The following ROBO1 variants were observed in gnomAD, a reference collection of about 807,000 sequenced individuals.
ROBO1 encodes the protein roundabout guidance receptor 1.
In ROBO1, 149 loss-of-function variants were observed where a neutral mutation model predicts 195.9. The observed-to-expected ratio is 0.76, with a 90% confidence interval of 0.67 to 0.87. ROBO1 has a LOEUF of 0.87. ROBO1 is among the 40% of genes least tolerant of loss of function. The pLI, the probability that ROBO1 is intolerant of heterozygous loss-of-function variation, is 0.00. For synonymous variants in ROBO1, 816 were observed against 733.2 expected, an observed-to-expected ratio of 1.11 and a Z score of -1.82; for missense variants, 1,933 against 2,068.3, an observed-to-expected ratio of 0.93 and a Z score of 1.27.
rs141309892 is a variant in ROBO1, at chr3:78,705,135, T to C, written c.1045+9262A>G. Among the ~76,000 whole-genome samples, 194 of 152,306 alleles carry C rather than the reference T, an allele frequency of 1.3e-3. 1 individual carries two copies. Among genetic ancestry groups the C allele is most frequent in the African/African-American group, 4.3e-3 (178 of 41,558 alleles). On this transcript the variant is annotated intron_variant, in intron 8 of 30. Transcript: ENST00000464233. ...CATTCTATCAGGAAATTTAGCAGCATTGAACATAGCAGGGAGGGATAGTAA... is the reference window on the plus strand; with the variant it reads ...CATTCTATCAGGAAATTTAGCAGCACTGAACATAGCAGGGAGGGATAGTAA...
At chr3:78,855,710 T>G (rs1400288427) in intron 4 of ROBO1, among the ~76,000 whole-genome samples, 3 of 152,144 alleles carry the variant, frequency 2.0e-5, no homozygotes, top group African/African-American at 7.2e-5. Context: ...AGCTTAACTT[T>G]AAGACTAGGT....
chr3:79,394,700 A>G (rs977397087), intron 2 of ROBO1, among the ~76,000 whole-genome samples: 4 of 152,100 alleles, frequency 2.6e-5, no homozygotes, highest in African/African-American at 9.7e-5. Flanking sequence ...TAATAGAGTG[A>G]ATGAAACTAT....
chr3:79,388,658 T>C (rs1348651719), intron 2 of ROBO1, among the ~76,000 whole-genome samples: 2 of 152,114 alleles, frequency 1.3e-5, no homozygotes, highest in Non-Finnish European at 2.9e-5. Flanking sequence ...ATGATATACA[T>C]ATGCACAGGT....
intron 4 of ROBO1, among the ~76,000 whole-genome samples, chr3:78,765,839 T>C (rs544843160): frequency 6.6e-6 from 1 of 152,310 alleles, no homozygotes; most frequent in Admixed American, 6.5e-5. Context: ...CCGAGTAAAT[T>C]TACATCCCTT....
At chr3:79,042,760 T>C (rs1047084230) in intron 3 of ROBO1, among the ~76,000 whole-genome samples, 45 of 152,152 alleles carry the variant, frequency 3.0e-4, no homozygotes, top group African/African-American at 1.0e-3. Flanking sequence ...ATTTAGACGA[T>C]AGATGATTCC....
intron 2 of ROBO1, among the ~76,000 whole-genome samples, chr3:79,236,634 C>T (rs1476775793): frequency 6.6e-6 from 1 of 151,872 alleles, no homozygotes; most frequent in Non-Finnish European, 1.5e-5. Flanking sequence ...GAAGATGTAA[C>T]CTCTGAAAAA....
chr3:79,055,247 T>G (rs1418584392), intron 3 of ROBO1, among the ~76,000 whole-genome samples: 1 of 152,148 alleles, frequency 6.6e-6, no homozygotes, highest in Non-Finnish European at 1.5e-5. Flanking sequence ...AGTCAATTGC[T>G]CAACTGCTTT....
At chr3:79,205,303 T>A (rs928932271) in intron 2 of ROBO1, among the ~76,000 whole-genome samples, 7 of 152,092 alleles carry the variant, frequency 4.6e-5, no homozygotes, top group African/African-American at 1.7e-4. Flanking sequence ...CTCTAGAGGA[T>A]AAATGATTGG....
At chr3:79,375,366 C>T (rs529437424) in intron 2 of ROBO1, among the ~76,000 whole-genome samples, 41 of 152,134 alleles carry the variant, frequency 2.7e-4, no homozygotes, top group East Asian at 1.4e-3. Flanking sequence ...CCCAAGGGGA[C>T]GGATGGAAAT....
At chr3:79,365,766 G>A (rs187621545) in intron 2 of ROBO1, among the ~76,000 whole-genome samples, 104 of 151,946 alleles carry the variant, frequency 6.8e-4, no homozygotes, top group African/African-American at 2.3e-3. Context: ...GCGTGGTGGC[G>A]GGTGCCTGTA....
chr3:79,442,351 A>T (rs1195071956), intron 2 of ROBO1, among the ~76,000 whole-genome samples: 8 of 152,110 alleles, frequency 5.3e-5, no homozygotes, highest in African/African-American at 1.9e-4. Flanking sequence ...TATATTTCAG[A>T]ATTTCTTTTT....
chr3:78,838,262 A>G (rs2032908791), intron 4 of ROBO1, among the ~76,000 whole-genome samples: 1 of 152,210 alleles, frequency 6.6e-6, no homozygotes, highest in South Asian at 2.1e-4. Flanking sequence ...GTCCATCATA[A>G]TTAAAGGCCA....
intron 1 of ROBO1, among the ~76,000 whole-genome samples, chr3:79,665,190 G>T (rs1946440788): frequency 6.6e-6 from 1 of 151,770 alleles, no homozygotes. Flanking sequence ...ACATATTTTT[G>T]AAATGCTATA....
intron 4 of ROBO1, among the ~76,000 whole-genome samples, chr3:78,807,736 G>C (rs2084590498): frequency 6.6e-6 from 1 of 152,116 alleles, no homozygotes; most frequent in Non-Finnish European, 1.5e-5. Flanking sequence ...TTAAACATTT[G>C]TATGCATACA....
At chr3:79,725,223 CTT>C (rs35418345) in intron 1 of ROBO1, among the ~76,000 whole-genome samples, 46 of 106,512 alleles carry the variant, frequency 4.3e-4, no homozygotes, top group African/African-American at 1.4e-3. Flanking sequence ...CTCTCTTCTT[CTT>C]TTTTTTTTTT....
intron 1 of ROBO1, among the ~76,000 whole-genome samples, chr3:79,662,207 T>A (rs911838144): frequency 4.6e-5 from 7 of 152,060 alleles, no homozygotes; most frequent in Non-Finnish European, 1.0e-4. Context: ...AAGATTTAAC[T>A]TCACATTGAA....
intron 2 of ROBO1, among the ~76,000 whole-genome samples, chr3:79,404,881 A>G (rs1417162522): frequency 6.6e-6 from 1 of 152,162 alleles, no homozygotes; most frequent in African/African-American, 2.4e-5. Flanking sequence ...AAATAGAGTA[A>G]CAAATAGATA....
At chr3:78,817,039 G>C (rs1157246248) in intron 4 of ROBO1, among the ~76,000 whole-genome samples, 1 of 152,128 alleles carries the variant, frequency 6.6e-6, no homozygotes, top group African/African-American at 2.4e-5. Context: ...TTATAAAGCA[G>C]TGGCAAGGTT....
At chr3:79,317,968 A>G (rs1273678938) in intron 2 of ROBO1, among the ~76,000 whole-genome samples, 2 of 152,318 alleles carry the variant, frequency 1.3e-5, no homozygotes, top group African/African-American at 4.8e-5. Context: ...ATGTGGGATT[A>G]CGTAAACTAG....
Sources: gnomAD v4.1 joint callset for allele counts (sites outside exome capture counted in the v4.1 genomes callset) on GRCh38, gnomAD v4.1.1 for gene constraint, MANE v1.5 for transcripts, NCBI Gene and HGNC (gene_info 2026-07-23, HGNC 2026-07-21) for gene names.